The following SCIMP variants were observed in gnomAD, a reference collection of about 807,000 sequenced individuals.
SCIMP encodes the protein SLP adapter and CSK-interacting membrane protein.
SCIMP carries 18 observed loss-of-function variants against 22.0 expected under a neutral mutation model. The ratio of observed to expected loss-of-function variants is 0.82; its 90% CI spans 0.56 to 1.21. The LOEUF (loss-of-function observed/expected upper bound fraction) is 1.21, where lower values mean the gene tolerates loss of function less well. Ranked by LOEUF, SCIMP falls within the 50% of genes most tolerant of loss-of-function variation. The pLI, the probability that SCIMP is intolerant of heterozygous loss-of-function variation, is 0.00. For missense variants in SCIMP, 155 were observed against 171.2 expected (o/e 0.91, Z 0.53); for synonymous variants, 53 against 62.2 (o/e 0.85, Z 0.70).
At chr17:5,234,502 G>T (rs922347122) in intron 1 of SCIMP, 1 of 581,010 alleles carries the variant, frequency 1.7e-6, no homozygotes, top group Non-Finnish European at 3.1e-6. Flanking sequence ...TGAGGAAAAG[G>T]CCCAGAGAGG....
intron 1 of SCIMP, among the ~76,000 whole-genome samples, chr17:5,234,364 A>G (rs1597299371): frequency 6.6e-6 from 1 of 150,760 alleles, no homozygotes; most frequent in African/African-American, 2.4e-5. Flanking sequence ...CTCACATAAC[A>G]AGTCCCAAAA....
rs2074554932 is a variant in SCIMP, at chr17:5,214,931, C to T, written c.277G>A (p.Asp93Asn). 6.4e-7 allele frequency: 1 copy of T among 1,561,816 alleles called. No individual in the cohort carries two copies. The highest frequency in any genetic ancestry group is 8.8e-7 in the Non-Finnish European group (1 of 1,141,510). The change falls in exon 4 of 5, where the codon GAC becomes AAC. Residue 93 changes from aspartate to asparagine, a missense_variant. Coordinates refer to ENST00000574081, the MANE Select transcript of SCIMP (RefSeq NM_207103.3). ...ACCAGTAAAATATACTTACAAGAGT[C>T]TTCTAGAGAAGGCCAATTCCTCGGT... ...LPPRNWPSLE[D>N]SSPQEAPSQP...
rs970403419 is a variant in SCIMP, at chr17:5,210,516, C to T, written c.*285G>A. On this transcript the variant is annotated 3_prime_UTR_variant, in exon 5 of 5. Transcript: ENST00000574081. ...TGAGTAGTTTCCCACAGGTGGGAGC[C>T]ATGGAGCCCCGTGGTCCTTCCCATG... 7.5e-5 allele frequency: 23 copies of T among 305,342 alleles called. No homozygotes were observed. The highest frequency in any genetic ancestry group is 4.8e-4 in the African/African-American group (22 of 46,046). 18.9% of individuals were successfully genotyped at this position (305,342 alleles called of 1,614,324 possible). A position where few individuals can be genotyped will look rare whatever the true frequency, so the allele number is the denominator to read the frequency against.
At chr17:5,217,355 C>T (rs187871223) in intron 3 of SCIMP, among the ~76,000 whole-genome samples, 451 of 151,112 alleles carry the variant, frequency 3.0e-3, no homozygotes, top group Non-Finnish European at 4.9e-3. Flanking sequence ...ATTCTGCAAT[C>T]CCAGTTTTAT....
At chr17:5,222,246 C>T (rs934962515) in intron 2 of SCIMP, among the ~76,000 whole-genome samples, 14 of 152,032 alleles carry the variant, frequency 9.2e-5, no homozygotes, top group African/African-American at 3.1e-4. Flanking sequence ...CCTGCCACCA[C>T]GCCCGGCTAA....
At chr17:5,234,522 G>T (rs2074729048) in intron 1 of SCIMP, 1 of 596,028 alleles carries the variant, frequency 1.7e-6, no homozygotes. Flanking sequence ...GTGAAGTGAT[G>T]CCTCAGGTCA....
intron 3 of SCIMP, among the ~76,000 whole-genome samples, chr17:5,216,401 C>T (rs1567838618): frequency 6.6e-6 from 1 of 152,158 alleles, no homozygotes; most frequent in Non-Finnish European, 1.5e-5. Context: ...GGCACGGTGG[C>T]TCATGCCTGT....
chr17:5,230,396 T>A (rs1597295677), intron 1 of SCIMP, among the ~76,000 whole-genome samples: 1 of 152,176 alleles, frequency 6.6e-6, no homozygotes, highest in African/African-American at 2.4e-5. Context: ...GCTGGCTGGG[T>A]TAGGAATGAA....
chr17:5,232,019 G>A (rs968641166), intron 1 of SCIMP, among the ~76,000 whole-genome samples: 6 of 152,034 alleles, frequency 3.9e-5, no homozygotes, highest in South Asian at 4.2e-4. Flanking sequence ...TTGCGCCACT[G>A]CACTCCAGCC....
chr17:5,215,085 G>T, intron 3 of SCIMP, 87 bp from the exon 4 acceptor site: 2 of 820,152 alleles, frequency 2.4e-6, no homozygotes, highest in Non-Finnish European at 4.3e-6. Flanking sequence ...CAAGGAAAGT[G>T]AATGGGTTGA....
At chr17:5,222,614 C>T (rs1194000287) in intron 2 of SCIMP, among the ~76,000 whole-genome samples, 1 of 152,106 alleles carries the variant, frequency 6.6e-6, no homozygotes, top group Non-Finnish European at 1.5e-5. Context: ...ATCATGGTGG[C>T]CAAACATGTT....
intron 1 of SCIMP, among the ~76,000 whole-genome samples, chr17:5,227,201 G>A (rs1403723869): frequency 6.6e-6 from 1 of 151,808 alleles, no homozygotes; most frequent in Non-Finnish European, 1.5e-5. Context: ...AGCACTTCAG[G>A]AGGCCAAGGC....
Position 5,214,991 on chromosome 17 carries a change from G to T in SCIMP, c.217C>A (p.Leu73Ile). 1.2e-6 allele frequency: 2 copies of T among 1,607,202 alleles called. No individual in the cohort carries two copies. The highest frequency in any genetic ancestry group is 1.1e-5 in the South Asian group (1 of 90,906). Reference protein sequence around the residue: ...VDEEKMYENVLNESPVQLPPL... With the variant: ...VDEEKMYENVINESPVQLPPL... The stretch of plus-strand genomic sequence containing the variant: ...GGTAATTGAACTGGCGACTCATTAA[G>T]AACATTCCTAGAGAGAGAGAAAGAG... Residue 73 changes from leucine (L) to isoleucine (I), a missense_variant, in exon 4 of 5, where the codon CTT becomes ATT. By Grantham distance (5) the Leu-to-Ile change is conservative. Transcript: ENST00000574081.
chr17:5,227,077 G>A (rs2074654893), intron 1 of SCIMP, among the ~76,000 whole-genome samples: 1 of 152,088 alleles, frequency 6.6e-6, no homozygotes, highest in Admixed American at 6.6e-5. Context: ...CAGACCTGGA[G>A]TTGTTGCCAC....
intron 1 of SCIMP, among the ~76,000 whole-genome samples, chr17:5,230,244 T>C (rs747775283): frequency 6.6e-6 from 1 of 152,182 alleles, no homozygotes; most frequent in Non-Finnish European, 1.5e-5. Context: ...GAGCTCTGTG[T>C]GCAGAAGATC....
In SCIMP at chr17:5,229,789, C is replaced by T. The variant is rs576296694; in HGVS notation, c.21+4946G>A. 1.4e-4 allele frequency among the ~76,000 whole-genome samples: 22 copies of T among 151,994 alleles called. 1 individual carries two copies. Among genetic ancestry groups the T allele is most frequent in the Middle Eastern group, 3.4e-3 (1 of 292 alleles). ...TTCACATAAATGAAGCGCTGAAGGG[C>T]CCTAGGCTGGCCATCAAGGGAACAA... On this transcript the variant is annotated intron_variant, in intron 1 of 4. Transcript: ENST00000574081.
At chr17:5,224,171 G>C in intron 1 of SCIMP, among the ~76,000 whole-genome samples, 1 of 152,198 alleles carries the variant, frequency 6.6e-6, no homozygotes, top group Non-Finnish European at 1.5e-5. Flanking sequence ...GTCTCGCTCT[G>C]TAACTCAGGC....
chr17:5,227,866 C>A (rs1479507494), intron 1 of SCIMP, among the ~76,000 whole-genome samples: 1 of 32,760 alleles, frequency 3.1e-5, no homozygotes, highest in Non-Finnish European at 1.6e-4. Context: ...GATGTCACTA[C>A]CCCCTGCAAT....
chr17:5,224,302 T>A (rs957686129), intron 1 of SCIMP, among the ~76,000 whole-genome samples: 8 of 151,588 alleles, frequency 5.3e-5, no homozygotes, highest in African/African-American at 7.3e-5. Flanking sequence ...GCCCGGCTGA[T>A]TTTTTTGTAT....
Sources: allele counts gnomAD v4.1 joint callset (sites outside exome capture counted in the v4.1 genomes callset), GRCh38; gene constraint gnomAD v4.1.1; transcripts MANE v1.5; gene names NCBI Gene and HGNC (gene_info 2026-07-23, HGNC 2026-07-21).